The following ZFAND2A variants were observed in gnomAD, a reference collection of about 807,000 sequenced individuals.
ZFAND2A encodes the protein zinc finger AN1-type containing 2A.
In ZFAND2A, 20 loss-of-function variants were observed where a neutral mutation model predicts 11.6. The observed-to-expected ratio is 1.72, with a 90% CI of 1.21 to 2.50. The LOEUF is 2.50. Among genes scored for constraint, ZFAND2A ranks in the 30% most tolerant of loss-of-function variants. ZFAND2A has a pLI of 0.00. For synonymous variants in ZFAND2A, 93 were observed against 60.6 expected (o/e 1.54, Z -2.48); for missense variants, 234 against 182.9 (o/e 1.28, Z -1.61).
chr7:1,159,476 C>T (rs1022159972), intron 1 of ZFAND2A, among the ~76,000 whole-genome samples: 1 of 148,908 alleles, frequency 6.7e-6, no homozygotes, highest in African/African-American at 2.5e-5. Flanking sequence ...CAGGCCGGAC[C>T]CCCAGCAGCC....
rs751606615 is a variant in ZFAND2A at position 1,153,099 on chromosome 7, G to C, written c.408C>G (p.His136Gln). 1.9e-6 allele frequency: 3 copies of C among 1,614,064 alleles called. No individual in the cohort carries two copies. Among genetic ancestry groups the C allele is most frequent in the Non-Finnish European group, 2.5e-6 (3 of 1,180,040 alleles). The change falls in exon 5 of 5, where the codon CAC becomes CAG. Residue 136 changes from histidine (H) to glutamine (Q), a missense_variant. His to Gln is a conservative substitution (Grantham distance 24, BLOSUM62 0). Transcript: ENST00000316495. ...CAGCTTTGATGGTGGGGCGACTCCC[G>C]TGTCTGCAGCTGTGGTCCAAAGGGT... ...HRHPLDHSCR[H>Q]GSRPTIKAG
intron 2 of ZFAND2A, 38 bp from the exon 3 acceptor site, chr7:1,157,788 G>C (rs770257284): frequency 6.9e-7 from 1 of 1,442,446 alleles, no homozygotes; most frequent in Non-Finnish European, 9.4e-7. Context: ...TTAACGACTG[G>C]AACAAAATAC....
Position 1,155,704 on chromosome 7 carries a change from C to G in ZFAND2A, c.151-120G>C, listed in dbSNP as rs1038414219. 5.4e-6 allele frequency: 7 copies of G among 1,285,910 alleles called. 1 individual carries two copies. Among genetic ancestry groups the G allele is most frequent in the African/African-American group, 3.0e-5 (2 of 66,456 alleles). The allele number at this position is 1,285,910 out of a possible 1,614,324, so 79.7% of individuals were successfully genotyped here. ...CAAAGAGAGGACAAAAACCGGTCTC[C>G]CGAGCCCTCCGAGAACAAAGCATCA... On this transcript the variant is annotated intron_variant, in intron 3 of 4. Transcript: ENST00000316495.
In ZFAND2A at chr7:1,155,380, G is replaced by A; in HGVS notation, c.282+73C>T. On this transcript the variant is annotated intron_variant, in intron 4 of 4. Transcript: ENST00000316495. ...ATAAACTATTGGGAGTAATTTTCAG[G>A]TAGCAAACTGACTCTTCCCAAGGAA... 1.9e-6 allele frequency: 3 copies of A among 1,573,138 alleles called. No individual in the cohort carries two copies. The South Asian group carries it at 3.5e-5, about 18-fold the overall frequency.
In ZFAND2A at chr7:1,155,599, G is replaced by C. The variant is rs187145157; in HGVS notation, c.151-15C>G. ...ACGTGAACATCCTAAAAATAACAAA[G>C]GTAAGATGGCATCTGAGACTCATGC... On this transcript the variant is annotated splice_polypyrimidine_tract_variant and intron_variant, in intron 3 of 4. Coordinates refer to ENST00000316495, the MANE Select transcript of ZFAND2A (RefSeq NM_182491.4). The C allele has an allele frequency of 1.2e-6, 2 of 1,609,974 alleles. No individual in the cohort carries two copies. The highest frequency in any genetic ancestry group is 2.2e-5 in the East Asian group (1 of 44,796).
chr7:1,150,997 C>T (rs1351077058), downstream of ZFAND2A, among the ~76,000 whole-genome samples: 2 of 151,286 alleles, frequency 1.3e-5, no homozygotes, highest in Non-Finnish European at 2.9e-5. Context: ...AAGTGATTCT[C>T]CTGCCTCAGC....
chr7:1,152,165 C>T (rs79410302), downstream of ZFAND2A: 27,370 of 1,474,714 alleles, frequency 0.019, 330 homozygotes, highest in African/African-American at 0.053. Flanking sequence ...TCACACTGTG[C>T]AGTTACACAC....
rs1793577535 is a variant in ZFAND2A, at chr7:1,158,187, T to C, written c.26A>G (p.His9Arg). ...CTGCTTGCAAGTCTTTTCTGAACAA[T>C]GCTTCCCCAAATCAGGAAACTCCAT... The part of the protein sequence containing the change: MEFPDLGK[H>R]CSEKTCKQLD... Residue 9 changes from histidine to arginine, a missense_variant, in exon 2 of 5, where the codon CAT (histidine) becomes CGT (arginine). By Grantham distance (29) the His-to-Arg change is conservative. Transcript: ENST00000316495. The C allele has an allele frequency of 1.2e-6, 2 of 1,614,186 alleles. No individual in the cohort carries two copies. Among genetic ancestry groups the C allele is most frequent in the South Asian group, 2.2e-5 (2 of 91,078 alleles).
At chr7:1,158,095 C>CA in intron 2 of ZFAND2A, 63 bp downstream of exon 2, 1 of 1,506,176 alleles carries the variant, frequency 6.6e-7, no homozygotes, top group South Asian at 1.1e-5. Context: ...AGCTAATTAA[C>CA]AGAACAGCCA....
downstream of ZFAND2A, chr7:1,152,225 C>A (rs1271052070): frequency 6.4e-7 from 1 of 1,552,900 alleles, no homozygotes; most frequent in East Asian, 2.4e-5. Flanking sequence ...CCCACACAGA[C>A]GAAATTGCGT....
rs150541625 is a variant in ZFAND2A, at chr7:1,157,726, G to A, written c.80C>T (p.Ala27Val). 38 of 1,557,686 alleles carry A rather than the reference G, an allele frequency of 2.4e-5. No individual in the cohort carries two copies. The African/African-American group carries it at 4.6e-4, about 19-fold the overall frequency. Reference sequence around the variant, plus strand: ...ATCTTTACAGAAATCTTGTTTACATGCATCACATTTTACTGGAAGAAAATC... The same window carrying A: ...ATCTTTACAGAAATCTTGTTTACATACATCACATTTTACTGGAAGAAAATC... ...QLDFLPVKCD[A>V]CKQDFCKDHF... The change falls in exon 3 of 5, where the codon GCA (alanine) becomes GTA (valine). Residue 27 changes from alanine to valine, a missense_variant. Coordinates refer to ENST00000316495, the MANE Select transcript of ZFAND2A (RefSeq NM_182491.4).
intron 4 of ZFAND2A, 49 bp downstream of exon 4, chr7:1,155,404 A>G: frequency 6.3e-7 from 1 of 1,592,794 alleles, no homozygotes; most frequent in Non-Finnish European, 8.5e-7. Flanking sequence ...CTTCCCAAGG[A>G]AAAACCAGGC....
downstream of ZFAND2A, among the ~76,000 whole-genome samples, chr7:1,150,506 G>A (rs1470519085): frequency 6.6e-6 from 1 of 152,146 alleles, no homozygotes; most frequent in Admixed American, 6.5e-5. Context: ...CAGAGCGGCT[G>A]TCAGTATAAA....
chr7:1,157,617 C>G, intron 3 of ZFAND2A, 39 bp downstream of exon 3: 1 of 1,547,442 alleles, frequency 6.5e-7, no homozygotes. Context: ...CAGCTTCAGA[C>G]GGTGAAGATG....
chr7:1,158,360 T>TG, intron 1 of ZFAND2A, 103 bp from the exon 2 acceptor site: 1 of 692,390 alleles, frequency 1.4e-6, no homozygotes, highest in Non-Finnish European at 2.5e-6. Flanking sequence ...ACGCACTGTG[T>TG]GGGGAGCATT....
At chr7:1,150,882 T>A (rs1453455430), downstream of ZFAND2A, among the ~76,000 whole-genome samples, 1 of 145,154 alleles carries the variant, frequency 6.9e-6, no homozygotes, top group African/African-American at 2.6e-5. Flanking sequence ...TGCTGACAAC[T>A]GTGCCTTTTT....
chr7:1,151,748 G>C (rs13226659), downstream of ZFAND2A, among the ~76,000 whole-genome samples: 48,062 of 111,184 alleles, frequency 0.43, 9,070 homozygotes, highest in Non-Finnish European at 0.46. Flanking sequence ...AATAGAGCAA[G>C]ACTTCATCCC....
At position 1,157,693 on chromosome 7, in the gene ZFAND2A, G is replaced by A; in HGVS notation, c.113C>T (p.Pro38Leu). The change falls in exon 3 of 5, where the codon CCA becomes CTA. Residue 38 changes from proline to leucine, a missense_variant. Physicochemically the swap from Pro to Leu is moderately conservative, Grantham distance 98 (BLOSUM62 -3). Transcript: ENST00000316495. The part of the protein sequence containing the change: ...CKQDFCKDHF[P>L]YAAHKCPFAF... ...AAACGGACACTTATGTGCAGCGTAT[G>A]GAAAATGATCTTTACAGAAATCTTG... 1.9e-6 allele frequency: 3 copies of A among 1,567,128 alleles called. No individual in the cohort carries two copies. Among genetic ancestry groups the A allele is most frequent in the Non-Finnish European group, 2.6e-6 (3 of 1,162,118 alleles).
At chr7:1,152,500 G>A (rs1028278916), downstream of ZFAND2A, among the ~76,000 whole-genome samples, 2 of 152,194 alleles carry the variant, frequency 1.3e-5, no homozygotes, top group African/African-American at 4.8e-5. Context: ...GATGCTTCTC[G>A]ATTTGACAAA....
Sources: gnomAD v4.1 joint callset for allele counts (sites outside exome capture counted in the v4.1 genomes callset) on GRCh38, gnomAD v4.1.1 for gene constraint, MANE v1.5 for transcripts, NCBI Gene and HGNC (gene_info 2026-07-23, HGNC 2026-07-21) for gene names.